PDE7A: variants seen among roughly 807,000 people sequenced by gnomAD.
PDE7A encodes the protein high affinity 3',5'-cyclic-AMP phosphodiesterase 7A.
Under a neutral mutation model 64.3 loss-of-function variants are expected in PDE7A, and 39 were observed. The ratio of observed to expected loss-of-function variants is 0.61; its 90% CI spans 0.47 to 0.79. The LOEUF is 0.79. Ranked by LOEUF, PDE7A falls within the 30% of genes least tolerant of loss-of-function variation. The probability of loss-of-function intolerance (pLI) is 0.00; values close to 1 mark genes in which losing one functional copy is unlikely to be tolerated. For synonymous variants in PDE7A, 203 were observed against 206.8 expected (o/e 0.98, Z 0.16); for missense variants, 470 against 582.8 (o/e 0.81, Z 1.99).
intron 5 of PDE7A, among the ~76,000 whole-genome samples, chr8:65,744,881 G>C (rs1205851660): frequency 1.3e-5 from 2 of 152,118 alleles, no homozygotes; most frequent in African/African-American, 4.8e-5. Flanking sequence ...TGATTCTGTA[G>C]GCTTTTAGAA....
At chr8:65,841,008 G>C (rs1326804873) in intron 1 of PDE7A, among the ~76,000 whole-genome samples, 2 of 152,194 alleles carry the variant, frequency 1.3e-5, no homozygotes, top group East Asian at 1.9e-4. Flanking sequence ...GTTGCAAGGC[G>C]GGGGAGCACA....
chr8:65,795,274 G>A (rs926844837), intron 1 of PDE7A, among the ~76,000 whole-genome samples: 3 of 152,200 alleles, frequency 2.0e-5, no homozygotes, highest in Admixed American at 2.0e-4. Context: ...CCTATAGGCA[G>A]TCGCCAAACC....
intron 1 of PDE7A, among the ~76,000 whole-genome samples, chr8:65,824,027 G>A (rs1199245658): frequency 6.6e-6 from 1 of 152,110 alleles, no homozygotes; most frequent in Non-Finnish European, 1.5e-5. Context: ...ACTCACAGAA[G>A]ATACAGGAAT....
intron 3 of PDE7A, among the ~76,000 whole-genome samples, chr8:65,769,247 CAA>C (rs61554087): frequency 0.02 from 1,464 of 74,418 alleles, 7 homozygotes; most frequent in Middle Eastern, 0.024. Context: ...GACTCAGTCT[CAA>C]AAAAAAAAAA....
intron 3 of PDE7A, among the ~76,000 whole-genome samples, chr8:65,772,410 C>T (rs1182606310): frequency 6.6e-6 from 1 of 152,172 alleles, no homozygotes; most frequent in African/African-American, 2.4e-5. Flanking sequence ...TAAACACATC[C>T]TGCAAGGTTG....
Position 65,724,835 on chromosome 8 carries a change from T to C in PDE7A, c.1007A>G (p.His336Arg), listed in dbSNP as rs1313696360. ...QNEYLSLFRS[H>R]LDRGDLCLED... The stretch of plus-strand genomic sequence containing the variant: ...TAGGCATAAATCACCTCTATCCAAA[T>C]GGGACCTAAACAAAGACAGATACTC... Residue 336 changes from histidine to arginine, a missense_variant, in exon 10 of 13, where the codon CAT becomes CGT. By Grantham distance (29) the His-to-Arg change is conservative (BLOSUM62 0). Transcript: ENST00000401827. 4.3e-6 allele frequency: 7 copies of C among 1,612,456 alleles called. No homozygotes were observed. Among genetic ancestry groups the C allele is most frequent in the African/African-American group, 1.3e-5 (1 of 74,864 alleles).
At chr8:65,837,905 G>A (rs1404396570) in intron 1 of PDE7A, among the ~76,000 whole-genome samples, 1 of 151,978 alleles carries the variant, frequency 6.6e-6, no homozygotes, top group African/African-American at 2.4e-5. Context: ...TTCCCTTTGA[G>A]GGCATTTTGG....
Position 65,715,929 on chromosome 8 carries a change from G to A in PDE7A, c.*3361C>T, listed in dbSNP as rs1247825084. 6.9e-5 allele frequency among the ~76,000 whole-genome samples: 10 copies of A among 144,222 alleles called. No homozygotes were observed. The highest frequency in any genetic ancestry group is 1.3e-4 in the Non-Finnish European group (9 of 66,846). The allele number at this position is 144,222 out of a possible 152,430, so 94.6% of individuals were successfully genotyped here. On this transcript the variant is annotated 3_prime_UTR_variant, in exon 13 of 13. Coordinates refer to ENST00000401827, the MANE Select transcript of PDE7A (RefSeq NM_001242318.3). ...GGAGAATGGCGTGAACCCGGGAGGC[G>A]GAACTTGCAGTGAGCCAATATCGCG...
chr8:65,761,140 A>G (rs1303198451), intron 3 of PDE7A, among the ~76,000 whole-genome samples: 2 of 151,626 alleles, frequency 1.3e-5, no homozygotes, highest in African/African-American at 4.9e-5. Context: ...GCTCACTGCA[A>G]CCTCCGCCTC....
At chr8:65,779,338 T>C (rs1407683122) in intron 3 of PDE7A, among the ~76,000 whole-genome samples, 2 of 152,198 alleles carry the variant, frequency 1.3e-5, no homozygotes, top group African/African-American at 4.8e-5. Flanking sequence ...CATTTTCAAA[T>C]AAACCTAAAA....
chr8:65,761,496 C>T (rs1204586375), intron 3 of PDE7A, among the ~76,000 whole-genome samples: 2 of 152,196 alleles, frequency 1.3e-5, no homozygotes, highest in Non-Finnish European at 2.9e-5. Context: ...TATTTTAAGT[C>T]CCAGGCTTGT....
At chr8:65,821,778 T>C (rs1384461551) in intron 1 of PDE7A, among the ~76,000 whole-genome samples, 1 of 152,192 alleles carries the variant, frequency 6.6e-6, no homozygotes, top group Non-Finnish European at 1.5e-5. Flanking sequence ...CTATAAAATA[T>C]ATCAGTATCT....
intron 1 of PDE7A, among the ~76,000 whole-genome samples, chr8:65,828,695 T>C (rs1209493002): frequency 6.6e-6 from 1 of 152,124 alleles, no homozygotes. Context: ...ACTCAAATGA[T>C]ACTCCAACTC....
In PDE7A at chr8:65,714,980, T is replaced by C. The variant is rs1392977638; in HGVS notation, c.*4310A>G. Among the ~76,000 whole-genome samples the C allele has an allele frequency of 4.6e-5, 7 of 152,186 alleles. No homozygotes were observed. Among genetic ancestry groups the C allele is most frequent in the Admixed American group, 3.3e-4 (5 of 15,282 alleles). On this transcript the variant is annotated 3_prime_UTR_variant, in exon 13 of 13. Coordinates refer to ENST00000401827, the MANE Select transcript of PDE7A (RefSeq NM_001242318.3). The stretch of plus-strand genomic sequence containing the variant: ...TATTGACCAGGAACCAATTTTTCTT[T>C]TTTAAAGTTAGGACTTGTCAAAATT...
At chr8:65,740,669 G>GCCTCCCAAA (rs1262782718) in intron 5 of PDE7A, among the ~76,000 whole-genome samples, 2 of 152,246 alleles carry the variant, frequency 1.3e-5, no homozygotes, top group South Asian at 4.1e-4. Context: ...CAAAGTGCTG[G>GCCTCCCAAA]GATTTACAGG....
chr8:65,804,848 T>A (rs763105767), intron 1 of PDE7A, among the ~76,000 whole-genome samples: 3 of 151,836 alleles, frequency 2.0e-5, no homozygotes, highest in African/African-American at 4.8e-5. Flanking sequence ...CAAGTTTTCT[T>A]TTATTTTGAG....
chr8:65,741,291 T>C (rs1002175602), intron 5 of PDE7A, among the ~76,000 whole-genome samples: 2 of 152,178 alleles, frequency 1.3e-5, no homozygotes, highest in Admixed American at 6.5e-5. Flanking sequence ...AAATACACGA[T>C]TCTAGTATTC....
chr8:65,840,207 G>T (rs1017084400), intron 1 of PDE7A, among the ~76,000 whole-genome samples: 5 of 152,156 alleles, frequency 3.3e-5, no homozygotes, highest in African/African-American at 1.2e-4. Flanking sequence ...TCACAAGTCT[G>T]CTCTGACCTC....
At chr8:65,775,024 G>A (rs1361828923) in intron 3 of PDE7A, among the ~76,000 whole-genome samples, 1 of 152,178 alleles carries the variant, frequency 6.6e-6, no homozygotes, top group Non-Finnish European at 1.5e-5. Flanking sequence ...ATTCAGTTCT[G>A]ATAAACTGTA....
Sources: gnomAD v4.1 joint callset for allele counts (sites outside exome capture counted in the v4.1 genomes callset) on GRCh38, gnomAD v4.1.1 for gene constraint, MANE v1.5 for transcripts, NCBI Gene and HGNC (gene_info 2026-07-23, HGNC 2026-07-21) for gene names.